ZCCHC8: variants seen among roughly 807,000 people sequenced by gnomAD.
ZCCHC8 encodes zinc finger CCHC-type containing 8.
In ZCCHC8, 27 loss-of-function variants were observed where a neutral mutation model predicts 70.6. The ratio of observed to expected loss-of-function variants is 0.38; its 90% CI spans 0.28 to 0.53. ZCCHC8 has a LOEUF of 0.53. Among genes scored for constraint, ZCCHC8 ranks in the 20% least tolerant of loss-of-function variants. The probability of loss-of-function intolerance (pLI) is 0.81; values close to 1 mark genes in which losing one functional copy is unlikely to be tolerated. For missense variants in ZCCHC8, 737 were observed against 876.9 expected (o/e 0.84, Z 2.01); for synonymous variants, 293 against 317.4 (o/e 0.92, Z 0.82).
At chr12:122,482,258 G>A (rs1957550673) in intron 8 of ZCCHC8, 171 bp from the exon 9 acceptor site, 1 of 643,364 alleles carries the variant, frequency 1.6e-6, no homozygotes, top group Admixed American at 3.6e-5. Flanking sequence ...AAGGAAAGGA[G>A]CAGTCTATTT....
intron 13 of ZCCHC8, among the ~76,000 whole-genome samples, chr12:122,477,628 A>AG (rs1318335262): frequency 6.7e-6 from 1 of 149,492 alleles, no homozygotes; most frequent in African/African-American, 2.4e-5. Context: ...ACTAAAAAAA[A>AG]AAAAGTACAA....
intron 5 of ZCCHC8, 40 bp downstream of exon 5, chr12:122,489,346 A>T: frequency 6.3e-7 from 1 of 1,588,310 alleles, no homozygotes; most frequent in Non-Finnish European, 8.6e-7. Context: ...GATAGGAAAC[A>T]CCTATTGGCT....
chr12:122,483,499 T>C lies in ZCCHC8; in HGVS notation c.566A>G (p.Asn189Ser), dbSNP rs1373051725. The C allele has an allele frequency of 6.9e-6, 11 of 1,596,368 alleles. No individual in the cohort carries two copies. The highest frequency in any genetic ancestry group is 5.7e-5 in the South Asian group (5 of 87,954). The stretch of plus-strand genomic sequence containing the variant: ...TCCTTCGGAAAGCTGAGGGTTTTCA[T>C]TTAGAAGCGGTTGCCCCAATTTATC... The part of the protein sequence containing the change: ...CLDKLGQPLL[N>S]ENPQLSEGWE... Residue 189 changes from asparagine (N) to serine (S), a missense_variant, in exon 6 of 14, where the codon AAT (asparagine) becomes AGT (serine). Transcript: ENST00000633063. This position sits in a 1 kb window ranked among gnomAD's most constrained non-coding sequence, Gnocchi z 4.4.
In ZCCHC8 at chr12:122,473,312, A is replaced by C; in HGVS notation, c.*185T>G. ...TCTCCCCCCAAGTTTTGTCAGTGAG[A>C]ATAAAATATACTGAACTAGTGAGCT... is the stretch of plus-strand genomic sequence containing the variant. On this transcript the variant is annotated 3_prime_UTR_variant, in exon 14 of 14. Coordinates refer to ENST00000633063, the MANE Select transcript of ZCCHC8 (RefSeq NM_017612.5). The C allele has an allele frequency of 1.5e-6, 1 of 678,554 alleles. No homozygotes were observed. The highest frequency in any genetic ancestry group is 2.4e-6 in the Non-Finnish European group (1 of 420,624). The allele number at this position is 678,554 out of a possible 1,614,324, so 42.0% of individuals were successfully genotyped here. A position where few individuals can be genotyped will look rare whatever the true frequency, so the allele number is the denominator to read the frequency against.
At chr12:122,498,189 G>T (rs1041830738) in intron 2 of ZCCHC8, among the ~76,000 whole-genome samples, 3 of 120,728 alleles carry the variant, frequency 2.5e-5, no homozygotes, top group African/African-American at 3.3e-5. Context: ...ACGGAGTTTC[G>T]CTCTTGTCAC....
At chr12:122,476,243 G>A (rs1317128087) in intron 13 of ZCCHC8, among the ~76,000 whole-genome samples, 1 of 152,238 alleles carries the variant, frequency 6.6e-6, no homozygotes, top group Non-Finnish European at 1.5e-5. Flanking sequence ...TCAGGGTCTA[G>A]TAGGGGGTCT....
At position 122,473,407 on chromosome 12, in the gene ZCCHC8, C is replaced by T. The variant is rs1957349809; in HGVS notation, c.*90G>A. The T allele has an allele frequency of 1.5e-6, 2 of 1,368,562 alleles. No individual in the cohort carries two copies. Among genetic ancestry groups the T allele is most frequent in the Middle Eastern group, 2.3e-4 (1 of 4,366 alleles). 84.8% of individuals were successfully genotyped at this position (1,368,562 alleles called of 1,614,324 possible). A position where few individuals can be genotyped will look rare whatever the true frequency, so the allele number is the denominator to read the frequency against. Reference sequence around the variant, plus strand: ...GATAGATTTTTAAACATGGGAGGGACAAACAGGAAAACCATTCTATCTATC... The same window carrying T: ...GATAGATTTTTAAACATGGGAGGGATAAACAGGAAAACCATTCTATCTATC... On this transcript the variant is annotated 3_prime_UTR_variant, in exon 14 of 14. Coordinates refer to ENST00000633063, the MANE Select transcript of ZCCHC8 (RefSeq NM_017612.5).
chr12:122,484,073 A>AT (rs1304927067), intron 5 of ZCCHC8: 1 of 157,260 alleles, frequency 6.4e-6, no homozygotes, highest in Non-Finnish European at 1.4e-5. Flanking sequence ...CTCTCTTTAC[A>AT]CATACACCGA....
chr12:122,498,981 G>A lies in ZCCHC8; in HGVS notation c.200-112C>T, dbSNP rs181221841. 1.3e-5 allele frequency: 13 copies of A among 1,032,200 alleles called. No homozygotes were observed. The African/African-American group carries it at 2.1e-4, about 17-fold the overall frequency. The allele number at this position is 1,032,200 out of a possible 1,614,324, so 63.9% of individuals were successfully genotyped here. On this transcript the variant is annotated intron_variant, in intron 1 of 13. Coordinates refer to ENST00000633063, the MANE Select transcript of ZCCHC8 (RefSeq NM_017612.5). Reference sequence around the variant, plus strand: ...AATATTATAAAGACAAAAGACCCACGGATATTTTGAGGATGACACACTTAT... The same window carrying A: ...AATATTATAAAGACAAAAGACCCACAGATATTTTGAGGATGACACACTTAT...
At chr12:122,494,349 C>T (rs1475145512) in intron 2 of ZCCHC8, among the ~76,000 whole-genome samples, 2 of 135,306 alleles carry the variant, frequency 1.5e-5, no homozygotes. Flanking sequence ...GTCAGGAGTT[C>T]GAGACCAGCC....
chr12:122,476,286 G>C (rs1433433398), intron 13 of ZCCHC8, among the ~76,000 whole-genome samples: 1 of 152,206 alleles, frequency 6.6e-6, no homozygotes, highest in East Asian at 1.9e-4. Flanking sequence ...AGATTTGTGA[G>C]AATAACAAAC....
At chr12:122,484,246 C>G (rs1010130019) in intron 5 of ZCCHC8, 2 of 152,010 alleles carry the variant, frequency 1.3e-5, no homozygotes, top group Admixed American at 1.3e-4. Context: ...GCACGGTCAG[C>G]TATTTTTTTG....
rs1048037564 is a variant in ZCCHC8 at position 122,481,869 on chromosome 12, T to A, written c.875+76A>T. On this transcript the variant is annotated intron_variant, in intron 9 of 13. Transcript: ENST00000633063. ...CAGAGTACACTTATATCCTGATAATTAGCCCAAAGAGACACAGAACATTCC... is the reference window on the plus strand; with the variant it reads ...CAGAGTACACTTATATCCTGATAATAAGCCCAAAGAGACACAGAACATTCC... The A allele has an allele frequency of 7.9e-6, 12 of 1,524,710 alleles. No homozygotes were observed. In the Admixed American group the frequency reaches 1.9e-4, roughly 25 times the overall value. The allele number at this position is 1,524,710 out of a possible 1,614,324, so 94.4% of individuals were successfully genotyped here.
intron 2 of ZCCHC8, among the ~76,000 whole-genome samples, chr12:122,493,911 C>A (rs899742216): frequency 2.0e-5 from 3 of 152,148 alleles, no homozygotes; most frequent in African/African-American, 7.2e-5. Context: ...CCGCGCCCAG[C>A]CTGTGCCTGT....
chr12:122,483,339 T>C lies in ZCCHC8; in HGVS notation c.611A>G (p.His204Arg), dbSNP rs1957573725. 9 of 1,596,130 alleles carry C rather than the reference T, an allele frequency of 5.6e-6. No individual in the cohort carries two copies. The highest frequency in any genetic ancestry group is 7.7e-6 in the Non-Finnish European group (9 of 1,170,172). The part of the protein sequence containing the change: ...LSEGWEIPKY[H>R]QVFSHIVSLE... Reference sequence around the variant, plus strand: ...AGAAACAATGTGGCTGAAGACTTGATGGTACCTTTAGTGAATTTTATTAAG... The same window carrying C: ...AGAAACAATGTGGCTGAAGACTTGACGGTACCTTTAGTGAATTTTATTAAG... Residue 204 changes from histidine to arginine, a missense_variant, in exon 7 of 14, where the codon CAT (histidine) becomes CGT (arginine). Coordinates refer to ENST00000633063, the MANE Select transcript of ZCCHC8 (RefSeq NM_017612.5). The surrounding 1 kb of genome is among the most constrained non-coding windows in gnomAD (Gnocchi z 4.4).
Position 122,482,654 on chromosome 12 carries a change from T to C in ZCCHC8, c.713A>G (p.Gln238Arg). 1 of 1,607,002 alleles carries C rather than the reference T, an allele frequency of 6.2e-7. No individual in the cohort carries two copies. Among genetic ancestry groups the C allele is most frequent in the Non-Finnish European group, 8.5e-7 (1 of 1,176,018 alleles). The change falls in exon 8 of 14, where the codon CAA (glutamine) becomes CGA (arginine). Residue 238 changes from glutamine (Q) to arginine (R), a missense_variant. Coordinates refer to ENST00000633063, the MANE Select transcript of ZCCHC8 (RefSeq NM_017612.5). The part of the protein sequence containing the change: ...HCFNCGSEEH[Q>R]MKDCPMPRNA... Reference sequence around the variant, plus strand: ...ATTTACCATTGGGCAATCTTTCATTTGGTGTTCTTCAGAACCACAATTGAA... The same window carrying C: ...ATTTACCATTGGGCAATCTTTCATTCGGTGTTCTTCAGAACCACAATTGAA...
At position 122,486,772 on chromosome 12, in the gene ZCCHC8, G is replaced by A. The variant is rs535122030; in HGVS notation, c.501+2614C>T. ...TTTAGTAGAGATGAGGTTTTGCCAC[G>A]TTGGCCAGGCTGGTCTCCAACTCCT... On this transcript the variant is annotated intron_variant, in intron 5 of 13. Transcript: ENST00000633063. Among the ~76,000 whole-genome samples the A allele has an allele frequency of 1.4e-4, 21 of 152,182 alleles. No homozygotes were observed. In the South Asian group the frequency reaches 4.2e-3, roughly 30 times the overall value.
chr12:122,478,183 G>T, intron 12 of ZCCHC8, 23 bp downstream of exon 12: 1 of 1,533,588 alleles, frequency 6.5e-7, no homozygotes, highest in Non-Finnish European at 8.9e-7. Context: ...ATTTTATAGA[G>T]CACACCCTTA....
Position 122,497,339 on chromosome 12 carries a change from C to T in ZCCHC8, c.242+1488G>A, listed in dbSNP as rs553146734. Among the ~76,000 whole-genome samples, 29 of 151,008 alleles carry T rather than the reference C, an allele frequency of 1.9e-4. No homozygotes were observed. The South Asian group carries it at 5.0e-3, about 26-fold the overall frequency. On this transcript the variant is annotated intron_variant, in intron 2 of 13. Coordinates refer to ENST00000633063, the MANE Select transcript of ZCCHC8 (RefSeq NM_017612.5). ...GACAGATCACTCGAGGCCAGGAGTT[C>T]GAGACCAGCCTGGCCAACATGGTGA...
Sources: allele counts gnomAD v4.1 joint callset (sites outside exome capture counted in the v4.1 genomes callset), GRCh38; gene constraint gnomAD v4.1.1; non-coding constraint Gnocchi (gnomAD v3.1); transcripts MANE v1.5; gene names NCBI Gene and HGNC (gene_info 2026-07-23, HGNC 2026-07-21).